Variants in LYZL2 observed in about 807,000 individuals in gnomAD.
The protein encoded by LYZL2 is lysozyme-like protein 2.
In LYZL2, 13 loss-of-function variants were observed where a neutral mutation model predicts 17.1. The observed-to-expected ratio is 0.76, with a 90% CI of 0.49 to 1.21. The LOEUF (loss-of-function observed/expected upper bound fraction) is 1.21. Among genes scored for constraint, LYZL2 ranks in the 50% most tolerant of loss-of-function variants. The probability of loss-of-function intolerance (pLI) is 0.00; values close to 1 mark genes in which losing one functional copy is unlikely to be tolerated. For synonymous variants in LYZL2, 63 were observed against 74.4 expected (o/e 0.85, Z 0.79); for missense variants, 166 against 189.2 (o/e 0.88, Z 0.72).
intron 3 of LYZL2, among the ~76,000 whole-genome samples, chr10:30,617,710 G>GA (rs1378750745): frequency 2.7e-5 from 3 of 112,392 alleles, no homozygotes; most frequent in East Asian, 2.8e-4. Flanking sequence ...AAAAGAAAAA[G>GA]AAAAAAAAGA....
rs138140645 is a variant in LYZL2, at chr10:30,626,237, C to T, written c.166G>A (p.Gly56Ser). 6.7e-5 allele frequency: 108 copies of T among 1,614,096 alleles called. No individual in the cohort carries two copies. In the East Asian group the frequency reaches 1.3e-3, roughly 20 times the overall value. The change falls in exon 3 of 5, where the codon GGC (glycine) becomes AGC (serine). Residue 56 changes from glycine to serine, a missense_variant. Gly to Ser is a moderately conservative substitution (Grantham distance 56). This residue lies in a region of LYZL2 where 134 missense variants were observed against 129.4 expected (regional missense o/e 1.04). Coordinates refer to ENST00000647634, the MANE Select transcript of LYZL2 (RefSeq NM_183058.3). The stretch of plus-strand genomic sequence containing the variant: ...ACCGTCTGGGCTGTGGTGTTGTAGC[C>T]GCTCTCATAATACGCCATGCAGATC... ...NWICMAYYES[G>S]YNTTAQTVLD...
chr10:30,612,064 T>G (rs757496051), intron 4 of LYZL2, 40 bp from the exon 5 acceptor site: 5 of 1,606,544 alleles, frequency 3.1e-6, no homozygotes, highest in South Asian at 1.1e-5. Flanking sequence ...GAAAGAAGCG[T>G]GACAATCCAA....
chr10:30,612,888 T>C lies in LYZL2; in HGVS notation c.311A>G (p.Asp104Gly). ...CHVACSALVTDDLTDAIICAK... is the reference protein window; with the variant it reads ...CHVACSALVTGDLTDAIICAK... ...ACAGATAATCGCATCTGTGAGGTCA[T>C]CAGTGACCAAGGCTGTAAAAAGAGA... Residue 104 changes from aspartate to glycine, a missense_variant, in exon 4 of 5, where the codon GAT becomes GGT. Transcript: ENST00000647634. The C allele has an allele frequency of 6.2e-7, 1 of 1,613,920 alleles. No individual in the cohort carries two copies. The highest frequency in any genetic ancestry group is 8.5e-7 in the Non-Finnish European group (1 of 1,179,790).
chr10:30,606,582 G>C, the LYZL2 span, among the ~76,000 whole-genome samples: 1 of 152,124 alleles, frequency 6.6e-6, no homozygotes, highest in African/African-American at 2.4e-5. Context: ...ACAGTTGCTA[G>C]TCCTTCCCAT....
chr10:30,620,212 T>C (rs1838598405), intron 3 of LYZL2, among the ~76,000 whole-genome samples: 1 of 152,166 alleles, frequency 6.6e-6, no homozygotes, highest in Admixed American at 6.5e-5. Context: ...TGGGTGGAGA[T>C]TTAAGATGCT....
rs577250862 is a variant in LYZL2, at chr10:30,629,046, C to T, written c.-26+547G>A. ...CCTTTTCAGAGAGATCATGCCAGTC[C>T]GTGGTGTACAGCATTGTGCTAAGCT... On this transcript the variant is annotated intron_variant, in intron 1 of 4. Coordinates refer to ENST00000647634, the MANE Select transcript of LYZL2 (RefSeq NM_183058.3). Among the ~76,000 whole-genome samples, 96 of 152,250 alleles carry T rather than the reference C, an allele frequency of 6.3e-4. 1 individual carries two copies. Among genetic ancestry groups the T allele is most frequent in the African/African-American group, 2.1e-3 (87 of 41,514 alleles).
intron 1 of LYZL2, among the ~76,000 whole-genome samples, chr10:30,628,854 C>T (rs1318402943): frequency 4.6e-5 from 7 of 152,190 alleles, no homozygotes; most frequent in African/African-American, 4.8e-5. Flanking sequence ...GAATAGCAAG[C>T]GTGGGCAAAC....
intron 1 of LYZL2, among the ~76,000 whole-genome samples, chr10:30,627,607 G>A (rs1478174932): frequency 6.6e-6 from 1 of 151,714 alleles, no homozygotes; most frequent in Non-Finnish European, 1.5e-5. Context: ...TTACTTTATT[G>A]TAAGAATCCA....
chr10:30,611,778 G>A, downstream of LYZL2: 4 of 983,392 alleles, frequency 4.1e-6, no homozygotes, highest in South Asian at 7.8e-5. Flanking sequence ...AGGGAACCGA[G>A]TCAGGGTGAA....
intron 3 of LYZL2, among the ~76,000 whole-genome samples, chr10:30,616,901 T>A (rs367884273): frequency 4.9e-5 from 1 of 20,602 alleles, no homozygotes; most frequent in South Asian, 8.0e-4. Context: ...TATTTACTTT[T>A]AATATACTTT....
chr10:30,613,022 T>TC, intron 3 of LYZL2, 122 bp from the exon 4 acceptor site: 1 of 698,966 alleles, frequency 1.4e-6, no homozygotes, highest in Non-Finnish European at 2.5e-6. Context: ...ACTATAATTT[T>TC]CCCTGCAAAG....
At chr10:30,609,037 A>T (rs1838404221), downstream of LYZL2, among the ~76,000 whole-genome samples, 1 of 152,040 alleles carries the variant, frequency 6.6e-6, no homozygotes, top group Admixed American at 6.5e-5. Context: ...ATGGGGTCTC[A>T]TTGTGCTGCC....
downstream of LYZL2, among the ~76,000 whole-genome samples, chr10:30,611,568 A>AAGGAAGGAAGGAAGGT (rs1838437423): frequency 3.3e-5 from 3 of 89,882 alleles, no homozygotes; most frequent in African/African-American, 9.8e-5. Context: ...GGAAGGAAGG[A>AAGGAAGGAAGGAAGGT]AGGAAAGAAA....
At chr10:30,626,343 C>A in intron 2 of LYZL2, 80 bp from the exon 3 acceptor site, 23 of 1,572,540 alleles carry the variant, frequency 1.5e-5, no homozygotes, top group Non-Finnish European at 1.9e-5. Flanking sequence ...CAAGTTTCCT[C>A]ATCCCTGTTA....
At position 30,611,911 on chromosome 10, in the gene LYZL2, A is replaced by C. The variant is rs1163194213; in HGVS notation, c.*44T>G. 1.9e-6 allele frequency: 3 copies of C among 1,613,846 alleles called. No individual in the cohort carries two copies. The highest frequency in any genetic ancestry group is 2.5e-6 in the Non-Finnish European group (3 of 1,179,932). ...CACAGGCATTTGGACATTCACTGCA[A>C]ACCCTAGGGCGTTGCTGCAAAGCAT... On this transcript the variant is annotated 3_prime_UTR_variant, in exon 5 of 5. Coordinates refer to ENST00000647634, the MANE Select transcript of LYZL2 (RefSeq NM_183058.3).
At chr10:30,607,598 T>C (rs1838391473), downstream of LYZL2, among the ~76,000 whole-genome samples, 1 of 152,090 alleles carries the variant, frequency 6.6e-6, no homozygotes, top group Middle Eastern at 3.2e-3. Flanking sequence ...TGGAATCGGA[T>C]GAGAGACGGG....
At chr10:30,610,205 G>A (rs1789368560), downstream of LYZL2, among the ~76,000 whole-genome samples, 1 of 152,136 alleles carries the variant, frequency 6.6e-6, no homozygotes, top group African/African-American at 2.4e-5. Flanking sequence ...AAGCCATCTG[G>A]GCTGGGTTTG....
intron 3 of LYZL2, among the ~76,000 whole-genome samples, chr10:30,623,410 C>T (rs1057490511): frequency 1.3e-5 from 2 of 152,170 alleles, no homozygotes; most frequent in Non-Finnish European, 2.9e-5. Flanking sequence ...TCTCCAACCC[C>T]TGAACCACAG....
At chr10:30,611,552 AAGGAAG>A (rs1564405756), downstream of LYZL2, among the ~76,000 whole-genome samples, 3 of 95,244 alleles carry the variant, frequency 3.1e-5, no homozygotes, top group Non-Finnish European at 4.3e-5. Flanking sequence ...GGAAGGAAGG[AAGGAAG>A]GAAGGAAGGA....
Sources: allele counts gnomAD v4.1 joint callset (sites outside exome capture counted in the v4.1 genomes callset), GRCh38; gene constraint gnomAD v4.1.1; regional missense constraint gnomAD v4.1.1; transcripts MANE v1.5; gene names NCBI Gene and HGNC (gene_info 2026-07-23, HGNC 2026-07-21).